The following PCDH15 variants were observed in gnomAD, a reference collection of about 807,000 sequenced individuals.
The protein encoded by PCDH15 is protocadherin-15.
PCDH15 carries 129 observed loss-of-function variants against 178.5 expected under a neutral mutation model. That is an observed-to-expected ratio of 0.72 (90% confidence interval 0.63 to 0.84). PCDH15 has a LOEUF of 0.84. Ranked by LOEUF, PCDH15 falls within the 40% of genes least tolerant of loss-of-function variation. The pLI, the probability that PCDH15 is intolerant of heterozygous loss-of-function variation, is 0.00. For synonymous variants in PCDH15, 800 were observed against 732.0 expected (o/e 1.09, Z -1.50); for missense variants, 2,230 against 2,099.9 (o/e 1.06, Z -1.21).
At chr10:54,292,724 C>G (rs2059499750) in intron 8 of PCDH15, among the ~76,000 whole-genome samples, 1 of 152,092 alleles carries the variant, frequency 6.6e-6, no homozygotes, top group Non-Finnish European at 1.5e-5. Flanking sequence ...ACAATTGCTA[C>G]AAGGAGAATA....
chr10:55,312,596 G>A (rs1458044474), intron 1 of PCDH15, among the ~76,000 whole-genome samples: 2 of 151,642 alleles, frequency 1.3e-5, no homozygotes, highest in Non-Finnish European at 2.9e-5. Context: ...CTTTATCATA[G>A]ATGTTGACTG....
At chr10:54,279,552 C>T (rs2058552515) in intron 8 of PCDH15, among the ~76,000 whole-genome samples, 1 of 151,624 alleles carries the variant, frequency 6.6e-6, no homozygotes, top group South Asian at 2.1e-4. Context: ...TTTGTTTCAA[C>T]TCTACTCATT....
intron 2 of PCDH15, among the ~76,000 whole-genome samples, chr10:55,614,181 T>C (rs563675610): frequency 6.6e-6 from 1 of 152,120 alleles, no homozygotes; most frequent in South Asian, 2.1e-4. Context: ...TTACTTTAGG[T>C]TTGAAAAGTG....
chr10:54,395,299 G>T (rs932757677), intron 3 of PCDH15, among the ~76,000 whole-genome samples: 2 of 151,558 alleles, frequency 1.3e-5, no homozygotes, highest in African/African-American at 2.4e-5. Context: ...CACAATCTAC[G>T]TTCTTCTGCC....
chr10:54,561,163 T>G (rs1346455207), intron 2 of PCDH15, among the ~76,000 whole-genome samples: 1 of 152,140 alleles, frequency 6.6e-6, no homozygotes, highest in Non-Finnish European at 1.5e-5. Flanking sequence ...AATTTCAACA[T>G]GCCTGTTACG....
chr10:55,591,269 C>T (rs1375328602), intron 2 of PCDH15, among the ~76,000 whole-genome samples: 1 of 151,888 alleles, frequency 6.6e-6, no homozygotes, highest in African/African-American at 2.4e-5. Flanking sequence ...CCCATCTCTA[C>T]CAAAACTACA....
chr10:54,046,976 G>T (rs982918375), intron 18 of PCDH15, among the ~76,000 whole-genome samples: 1 of 152,016 alleles, frequency 6.6e-6, no homozygotes, highest in Admixed American at 6.6e-5. Context: ...AAGGAAAACT[G>T]AACTGAACTA....
At chr10:54,093,002 G>A (rs2094625541) in intron 15 of PCDH15, among the ~76,000 whole-genome samples, 2 of 152,028 alleles carry the variant, frequency 1.3e-5, no homozygotes, top group Admixed American at 1.3e-4. Context: ...ACAATTTTAA[G>A]ACCAGATTAA....
intron 20 of PCDH15, among the ~76,000 whole-genome samples, chr10:54,001,016 C>A (rs2092107665): frequency 6.6e-6 from 1 of 151,736 alleles, no homozygotes; most frequent in South Asian, 2.1e-4. Context: ...ACCTTACAGG[C>A]CAAGAGAGAG....
chr10:55,231,028 T>A (rs571683398), intron 1 of PCDH15, among the ~76,000 whole-genome samples: 43 of 152,044 alleles, frequency 2.8e-4, no homozygotes, highest in African/African-American at 1.0e-3. Flanking sequence ...AACAGTGTAA[T>A]TTACTTAAAG....
At chr10:55,206,112 A>T (rs1331666903) in intron 1 of PCDH15, among the ~76,000 whole-genome samples, 2 of 151,934 alleles carry the variant, frequency 1.3e-5, no homozygotes, top group African/African-American at 2.4e-5. Flanking sequence ...ACAGGGCCAA[A>T]CCATATCACC....
At chr10:54,888,431 A>G (rs1954400221) in intron 3 of PCDH15, among the ~76,000 whole-genome samples, 1 of 152,004 alleles carries the variant, frequency 6.6e-6, no homozygotes, top group East Asian at 1.9e-4. Context: ...ATATATGTAT[A>G]TACACATCTA....
At chr10:53,951,452 A>C (rs2087034670) in intron 23 of PCDH15, among the ~76,000 whole-genome samples, 1 of 152,176 alleles carries the variant, frequency 6.6e-6, no homozygotes, top group Non-Finnish European at 1.5e-5. Flanking sequence ...GTTCAAGGAA[A>C]GATAGTAGAG....
At chr10:55,345,368 T>C (rs1844724201) in intron 2 of PCDH15, among the ~76,000 whole-genome samples, 1 of 152,022 alleles carries the variant, frequency 6.6e-6, no homozygotes, top group Non-Finnish European at 1.5e-5. Context: ...GAGGATGCTA[T>C]ATATCACCTC....
intron 2 of PCDH15, among the ~76,000 whole-genome samples, chr10:54,941,866 G>T (rs1360302436): frequency 6.6e-6 from 1 of 151,890 alleles, no homozygotes; most frequent in Non-Finnish European, 1.5e-5. Flanking sequence ...ATTCAGCCTT[G>T]GGAATGTGCA....
intron 2 of PCDH15, among the ~76,000 whole-genome samples, chr10:55,403,975 G>A (rs1295467125): frequency 1.3e-5 from 2 of 151,994 alleles, no homozygotes; most frequent in East Asian, 3.9e-4. Context: ...GAAAACAGAA[G>A]TTTAAATGGA....
intron 2 of PCDH15, among the ~76,000 whole-genome samples, chr10:55,160,387 G>T (rs1478931629): frequency 6.6e-6 from 1 of 151,652 alleles, no homozygotes; most frequent in Non-Finnish European, 1.5e-5. Flanking sequence ...CAGAGGGAAG[G>T]GAGGTGTTGT....
chr10:54,710,673 G>C (rs117807898), intron 1 of PCDH15, among the ~76,000 whole-genome samples: 1,976 of 152,026 alleles, frequency 0.013, 28 homozygotes, highest in South Asian at 0.038. Context: ...CCTAATTGCT[G>C]TTGCAAGAAA....
chr10:54,190,339 C>A (rs898262737), intron 11 of PCDH15, among the ~76,000 whole-genome samples: 4 of 152,182 alleles, frequency 2.6e-5, no homozygotes, highest in African/African-American at 9.6e-5. Flanking sequence ...GGCACACTGT[C>A]TCTCTCAAAG....
Sources: gnomAD v4.1 joint callset for allele counts (sites outside exome capture counted in the v4.1 genomes callset) on GRCh38, gnomAD v4.1.1 for gene constraint, MANE v1.5 for transcripts, NCBI Gene and HGNC (gene_info 2026-07-23, HGNC 2026-07-21) for gene names.